CLVS1: variants seen among roughly 807,000 people sequenced by gnomAD.
CLVS1 encodes the protein clavesin 1.
Under a neutral mutation model 33.1 loss-of-function variants are expected in CLVS1, and 10 were observed. That is an observed-to-expected ratio of 0.30 (90% CI 0.19 to 0.51). The LOEUF (loss-of-function observed/expected upper bound fraction) is 0.51. Among genes scored for constraint, CLVS1 ranks in the 20% least tolerant of loss-of-function variants. CLVS1 has a pLI of 0.97. For synonymous variants in CLVS1, 163 were observed against 166.1 expected (o/e 0.98, Z 0.14); for missense variants, 343 against 433.4 (o/e 0.79, Z 1.85).
chr8:61,369,738 T>C (rs1172087233), intron 2 of CLVS1, among the ~76,000 whole-genome samples: 1 of 152,144 alleles, frequency 6.6e-6, no homozygotes, highest in African/African-American at 2.4e-5. Flanking sequence ...TTTGTATGGA[T>C]GGTTGCATGT....
chr8:61,501,105 AT>A lies in CLVS1; in HGVS notation c.*1568del, dbSNP rs983351002. The A allele has an allele frequency of 6.6e-6, 1 of 152,218 alleles. No individual in the cohort carries two copies. The highest frequency in any genetic ancestry group is 2.4e-5 in the African/African-American group (1 of 41,474). The allele number at this position is 152,218 out of a possible 1,614,324, so 9.4% of individuals were successfully genotyped here. The stretch of plus-strand genomic sequence containing the variant: ...ATCACAATATAAATTAAACTAATTC[AT>A]TTTTGTGTAGACATACGAAATCACA... On this transcript the variant is annotated 3_prime_UTR_variant, in exon 6 of 6. Transcript: ENST00000325897.
At position 61,413,939 on chromosome 8, in the gene CLVS1, AT is replaced by A. The variant is rs1563542506; in HGVS notation, c.630+37161del. Among the ~76,000 whole-genome samples, 3 of 152,354 alleles carry A rather than the reference AT, an allele frequency of 2.0e-5. No individual in the cohort carries two copies. The South Asian group carries it at 6.2e-4, about 32-fold the overall frequency. ...CAGGGAGTTACTGATGATTCCAGAA[AT>A]GTGATTGCTATTCTGGGCACTGAAC... On this transcript the variant is annotated intron_variant, in intron 3 of 5. Transcript: ENST00000325897.
intron 3 of CLVS1, among the ~76,000 whole-genome samples, chr8:61,410,557 C>A (rs1158711416): frequency 1.3e-5 from 2 of 152,184 alleles, no homozygotes; most frequent in Non-Finnish European, 2.9e-5. Flanking sequence ...ATCAGAACAG[C>A]CTTCTTCGCT....
chr8:61,216,392 C>T (rs912920740), intron 2 of CLVS1, among the ~76,000 whole-genome samples: 1 of 152,178 alleles, frequency 6.6e-6, no homozygotes, highest in African/African-American at 2.4e-5. Context: ...GAGCTCCATC[C>T]ACCCTCTAGT....
At chr8:61,285,072 A>G (rs567379830), upstream of CLVS1, among the ~76,000 whole-genome samples, 5 of 152,196 alleles carry the variant, frequency 3.3e-5, no homozygotes, top group Non-Finnish European at 7.4e-5. Flanking sequence ...TTCCAAGGAA[A>G]CTATGAGATT....
At chr8:61,045,687 A>T in the CLVS1 span, among the ~76,000 whole-genome samples, 1 of 152,228 alleles carries the variant, frequency 6.6e-6, no homozygotes, top group African/African-American at 2.4e-5. Flanking sequence ...CATTTCTGTC[A>T]TCATGACTGA....
At chr8:61,439,830 T>C (rs1173065155) in intron 3 of CLVS1, among the ~76,000 whole-genome samples, 1 of 152,178 alleles carries the variant, frequency 6.6e-6, no homozygotes, top group African/African-American at 2.4e-5. Flanking sequence ...AGATTATCTA[T>C]AAATTTATGA....
the CLVS1 span, among the ~76,000 whole-genome samples, chr8:61,002,417 C>T: frequency 6.7e-6 from 1 of 149,518 alleles, no homozygotes; most frequent in Non-Finnish European, 1.5e-5. Context: ...GCAGCCTCTG[C>T]CCCCAGGTTC....
intron 1 of CLVS1, among the ~76,000 whole-genome samples, chr8:61,073,405 C>T (rs1007374740): frequency 2.6e-5 from 4 of 152,042 alleles, no homozygotes; most frequent in East Asian, 1.9e-4. Flanking sequence ...ACATTTTAAA[C>T]GCATGGAGAT....
intron 2 of CLVS1, among the ~76,000 whole-genome samples, chr8:61,259,611 G>A (rs763592386): frequency 3.3e-5 from 5 of 152,252 alleles, no homozygotes; most frequent in Non-Finnish European, 5.9e-5. Flanking sequence ...ACGAGATGAT[G>A]TAGGCAGCAT....
chr8:61,355,642 C>T (rs1318777109), intron 2 of CLVS1, among the ~76,000 whole-genome samples: 1 of 152,140 alleles, frequency 6.6e-6, no homozygotes, highest in Non-Finnish European at 1.5e-5. Flanking sequence ...TCAATTCCCA[C>T]CTATGAGTGA....
intron 2 of CLVS1, among the ~76,000 whole-genome samples, chr8:61,270,037 C>A (rs1246775142): frequency 2.0e-5 from 3 of 151,942 alleles, no homozygotes; most frequent in Non-Finnish European, 4.4e-5. Context: ...CTGGCCAGAA[C>A]TTCCAACACT....
At chr8:61,404,709 G>A (rs1215988262) in intron 3 of CLVS1, among the ~76,000 whole-genome samples, 1 of 152,128 alleles carries the variant, frequency 6.6e-6, no homozygotes, top group Non-Finnish European at 1.5e-5. Flanking sequence ...TTGCAGGGAG[G>A]GAATTTGTCC....
chr8:60,994,028 C>A, the CLVS1 span, among the ~76,000 whole-genome samples: 1 of 152,180 alleles, frequency 6.6e-6, no homozygotes, highest in Non-Finnish European at 1.5e-5. Flanking sequence ...TCTGCGAGGG[C>A]TACCATTATG....
At chr8:61,000,491 A>C in the CLVS1 span, among the ~76,000 whole-genome samples, 1 of 152,132 alleles carries the variant, frequency 6.6e-6, no homozygotes, top group Non-Finnish European at 1.5e-5. Context: ...GGCACAGGAG[A>C]CGTGAGAGGG....
At chr8:61,212,498 C>A (rs760759843) in intron 2 of CLVS1, among the ~76,000 whole-genome samples, 1 of 152,090 alleles carries the variant, frequency 6.6e-6, no homozygotes, top group Non-Finnish European at 1.5e-5. Context: ...GAGATCCTGA[C>A]GACACAGAGG....
chr8:61,500,954 C>A lies in CLVS1; in HGVS notation c.*1412C>A, dbSNP rs1235332417. 2.0e-5 allele frequency: 3 copies of A among 152,122 alleles called. No homozygotes were observed. In the East Asian group the frequency reaches 5.8e-4, roughly 29 times the overall value. 9.4% of individuals were successfully genotyped at this position (152,122 alleles called of 1,614,324 possible). On this transcript the variant is annotated 3_prime_UTR_variant, in exon 6 of 6. Transcript: ENST00000325897. ...TAATTATTTATTACATCATCTCTTT[C>A]TCAATGGATCTAATGTTTTAATTTT...
the CLVS1 span, among the ~76,000 whole-genome samples, chr8:61,007,211 G>A: frequency 6.6e-6 from 1 of 152,180 alleles, no homozygotes; most frequent in Non-Finnish European, 1.5e-5. Context: ...ATTAATTTTA[G>A]TCGTGTTTAG....
At chr8:61,249,382 C>A (rs1424339378) in intron 2 of CLVS1, among the ~76,000 whole-genome samples, 2 of 152,134 alleles carry the variant, frequency 1.3e-5, no homozygotes, top group Non-Finnish European at 1.5e-5. Flanking sequence ...AATAAACATA[C>A]ACATGCATGT....
Sources: allele counts gnomAD v4.1 joint callset (sites outside exome capture counted in the v4.1 genomes callset), GRCh38; gene constraint gnomAD v4.1.1; transcripts MANE v1.5; gene names NCBI Gene and HGNC (gene_info 2026-07-23, HGNC 2026-07-21).